ABI3BP: variants seen among roughly 807,000 people sequenced by gnomAD.
ABI3BP encodes the protein ABI family member 3 binding protein.
Under a neutral mutation model 268.6 loss-of-function variants are expected in ABI3BP, and 216 were observed. The ratio of observed to expected loss-of-function variants is 0.80; its 90% confidence interval spans 0.72 to 0.90. The LOEUF (loss-of-function observed/expected upper bound fraction) is 0.90, where lower values mean the gene tolerates loss of function less well. Ranked by LOEUF, ABI3BP falls within the 40% of genes least tolerant of loss-of-function variation. The pLI is 0.00. For missense variants in ABI3BP, 2,090 were observed against 2,182.4 expected (o/e 0.96, Z 0.84); for synonymous variants, 730 against 730.0 (o/e 1.00, Z 0.00).
intron 51 of ABI3BP, 87 bp from the exon 52 acceptor site, chr3:100,796,555 GC>G (rs949067424): frequency 1.2e-4 from 124 of 1,013,640 alleles, no homozygotes; most frequent in Middle Eastern, 1.1e-3. Flanking sequence ...ATCCCAGAAA[GC>G]ATGAATGAAG....
intron 1 of ABI3BP, among the ~76,000 whole-genome samples, chr3:100,945,932 G>A (rs1250415727): frequency 3.3e-5 from 5 of 152,140 alleles, no homozygotes; most frequent in Non-Finnish European, 7.3e-5. Flanking sequence ...TGCTAAGATT[G>A]TGAATATTTC....
At position 100,750,599 on chromosome 3, in the gene ABI3BP, C is replaced by T; in HGVS notation, c.5257G>A (p.Ala1753Thr). ...AATTGGACAGGTTCCTGGCGAACTG[C>T]TCTGAAATAACCTGAGAGAGAAAAT... ...QLPIKEGYFR[A>T]VRQEPVQFGE... Residue 1753 changes from alanine to threonine, a missense_variant, in exon 68 of 68, where the codon GCA becomes ACA. Physicochemically the swap from Ala to Thr is moderately conservative, Grantham distance 58. Transcript: ENST00000471714. The T allele has an allele frequency of 1.2e-6, 2 of 1,611,450 alleles. No individual in the cohort carries two copies. Among genetic ancestry groups the T allele is most frequent in the South Asian group, 2.2e-5 (2 of 90,896 alleles).
intron 18 of ABI3BP, 21 bp downstream of exon 18, chr3:100,848,780 T>G (rs376581590): frequency 6.2e-7 from 1 of 1,601,736 alleles, no homozygotes; most frequent in East Asian, 2.2e-5. Flanking sequence ...ACATATCATG[T>G]AAATATAAAG....
intron 9 of ABI3BP, among the ~76,000 whole-genome samples, chr3:100,873,211 A>G (rs2099126296): frequency 6.6e-6 from 1 of 152,216 alleles, no homozygotes; most frequent in Non-Finnish European, 1.5e-5. Flanking sequence ...ATGCAAAGTT[A>G]AGTGTCTGGA....
chr3:100,778,435 GA>G (rs2096772186), intron 58 of ABI3BP, 59 bp from the exon 59 acceptor site: 1 of 1,443,644 alleles, frequency 6.9e-7, no homozygotes, highest in Non-Finnish European at 9.5e-7. Context: ...ATTCATTATC[GA>G]AAAAAACAGG....
intron 4 of ABI3BP, among the ~76,000 whole-genome samples, chr3:100,888,504 A>G (rs1349401180): frequency 6.6e-6 from 1 of 152,114 alleles, no homozygotes; most frequent in Non-Finnish European, 1.5e-5. Flanking sequence ...TGTTGCTAAC[A>G]GAACTACTGA....
chr3:100,767,924 A>G (rs772917587), intron 62 of ABI3BP, among the ~76,000 whole-genome samples: 2 of 152,198 alleles, frequency 1.3e-5, no homozygotes, highest in Non-Finnish European at 2.9e-5. Context: ...AACAATTTAT[A>G]TGACACTCCA....
chr3:100,910,141 C>G (rs534988312), intron 2 of ABI3BP, among the ~76,000 whole-genome samples: 4 of 152,222 alleles, frequency 2.6e-5, no homozygotes, highest in African/African-American at 4.8e-5. Flanking sequence ...CCATCATTCT[C>G]AACAAACTAA....
chr3:100,964,152 T>G (rs1479832322), intron 1 of ABI3BP, among the ~76,000 whole-genome samples: 2 of 151,980 alleles, frequency 1.3e-5, no homozygotes, highest in Non-Finnish European at 2.9e-5. Context: ...CTTGCAAGGG[T>G]GAATGCTAGC....
chr3:100,905,302 C>T (rs558378946), intron 2 of ABI3BP, among the ~76,000 whole-genome samples: 1 of 152,204 alleles, frequency 6.6e-6, no homozygotes, highest in African/African-American at 2.4e-5. Context: ...CGGAGATATA[C>T]CTAATGCTAA....
chr3:100,884,168 T>G (rs1561250739), intron 6 of ABI3BP, among the ~76,000 whole-genome samples: 1 of 152,080 alleles, frequency 6.6e-6, no homozygotes, highest in African/African-American at 2.4e-5. Flanking sequence ...ATAGGTAACC[T>G]TGTTAATGCT....
At chr3:100,810,867 T>C (rs2097846459) in intron 48 of ABI3BP, among the ~76,000 whole-genome samples, 1 of 152,158 alleles carries the variant, frequency 6.6e-6, no homozygotes, top group African/African-American at 2.4e-5. Flanking sequence ...TAAGTGTTAA[T>C]GGAAAGTATG....
Position 100,752,849 on chromosome 3 carries a change from A to C in ABI3BP, c.5060T>G (p.Phe1687Cys). 6.2e-7 allele frequency: 1 copy of C among 1,613,522 alleles called. No individual in the cohort carries two copies. ...QYVKRTWYKK[F>C]VGVQLCNSLR... Reference sequence around the variant, plus strand: ...AGAGTTGCACAGCTGCACTCCTACAAATTTTTTATACCATGTCCTTTTGAC... The same window carrying C: ...AGAGTTGCACAGCTGCACTCCTACACATTTTTTATACCATGTCCTTTTGAC... Residue 1687 changes from phenylalanine to cysteine, a missense_variant, in exon 66 of 68, where the codon TTT becomes TGT. Transcript: ENST00000471714.
In ABI3BP at chr3:100,846,418, C is replaced by T. The variant is rs1259217711; in HGVS notation, c.1677G>A (p.Leu559=). ...PAPGKTQFIS[L]KPKIPLSPEV... ...CTGGGCTGAGAGGGATTTTAGGTTTCAGAGAAATAAATTGTGTTTTACCGG... is the reference window on the plus strand; with the variant it reads ...CTGGGCTGAGAGGGATTTTAGGTTTTAGAGAAATAAATTGTGTTTTACCGG... The change falls in exon 20 of 68, where the codon CTG becomes CTA. Residue 559 remains leucine, a synonymous_variant. Transcript: ENST00000471714. The T allele has an allele frequency of 6.3e-7, 1 of 1,598,286 alleles. No individual in the cohort carries two copies. The highest frequency in any genetic ancestry group is 2.3e-5 in the East Asian group (1 of 44,428).
At chr3:100,911,924 G>T in intron 2 of ABI3BP, 1 of 1,267,860 alleles carries the variant, frequency 7.9e-7, no homozygotes, top group Non-Finnish European at 1.2e-6. Context: ...TGACATTGGA[G>T]AATATTTTCT....
intron 2 of ABI3BP, among the ~76,000 whole-genome samples, chr3:100,917,135 T>C (rs1373893544): frequency 1.3e-5 from 2 of 152,190 alleles, no homozygotes; most frequent in East Asian, 3.9e-4. Context: ...GGTAGTCAGC[T>C]ATTACAGCTG....
chr3:100,973,162 A>G (rs2084483858), intron 1 of ABI3BP, among the ~76,000 whole-genome samples: 2 of 152,184 alleles, frequency 1.3e-5, no homozygotes, highest in African/African-American at 4.8e-5. Flanking sequence ...CAAAAATGTG[A>G]GTTAGATAAG....
At chr3:100,894,964 AAAACAG>A (rs1561385512) in intron 4 of ABI3BP, among the ~76,000 whole-genome samples, 6 of 144,124 alleles carry the variant, frequency 4.2e-5, no homozygotes, top group Non-Finnish European at 9.1e-5. Flanking sequence ...AAAAAAAAAA[AAAACAG>A]AAAAAAAAAA....
intron 56 of ABI3BP, 116 bp from the exon 57 acceptor site, chr3:100,787,918 A>C (rs2097098071): frequency 1.6e-6 from 1 of 620,952 alleles, no homozygotes; most frequent in East Asian, 3.0e-5. Flanking sequence ...ATGACTTACC[A>C]AAAATATTAT....
Sources: gnomAD v4.1 joint callset for allele counts (sites outside exome capture counted in the v4.1 genomes callset) on GRCh38, gnomAD v4.1.1 for gene constraint, MANE v1.5 for transcripts, NCBI Gene and HGNC (gene_info 2026-07-23, HGNC 2026-07-21) for gene names.